PDE1C: variants seen among roughly 807,000 people sequenced by gnomAD.
The protein encoded by PDE1C is dual specificity calcium/calmodulin-dependent 3',5'-cyclic nucleotide phosphodiesterase 1C.
In PDE1C, 62 loss-of-function variants were observed where a neutral mutation model predicts 93.1. The observed-to-expected ratio is 0.67, with a 90% confidence interval of 0.54 to 0.82. PDE1C has a LOEUF of 0.82. Among genes scored for constraint, PDE1C ranks in the 40% least tolerant of loss-of-function variants. PDE1C has a pLI of 0.00. For synonymous variants in PDE1C, 325 were observed against 310.1 expected, an observed-to-expected ratio of 1.05 and a Z score of -0.50; for missense variants, 742 against 884.6, an observed-to-expected ratio of 0.84 and a Z score of 2.04.
chr7:32,043,402 T>C (rs944725844), intron 2 of PDE1C, among the ~76,000 whole-genome samples: 1 of 152,186 alleles, frequency 6.6e-6, no homozygotes, highest in African/African-American at 2.4e-5. Context: ...ACTTAAAGTC[T>C]GGACATAACT....
At chr7:32,205,286 C>A (rs1805348518) in intron 2 of PDE1C, among the ~76,000 whole-genome samples, 1 of 152,238 alleles carries the variant, frequency 6.6e-6, no homozygotes, top group Non-Finnish European at 1.5e-5. Flanking sequence ...TTTTAACATT[C>A]ACCCTTGCAT....
At chr7:32,070,936 T>C, upstream of PDE1C, 1 of 985,334 alleles carries the variant, frequency 1.0e-6, no homozygotes. Context: ...GCTCACTCCC[T>C]GGCCGCGCCT....
intron 2 of PDE1C, among the ~76,000 whole-genome samples, chr7:31,928,043 T>C (rs1803634881): frequency 6.6e-6 from 1 of 151,992 alleles, no homozygotes; most frequent in Non-Finnish European, 1.5e-5. Flanking sequence ...AGAACCTTGA[T>C]AAAAGGTTAC....
chr7:31,725,712 T>A, the PDE1C span, among the ~76,000 whole-genome samples: 2 of 152,188 alleles, frequency 1.3e-5, no homozygotes, highest in Non-Finnish European at 1.5e-5. Context: ...GGAAACTGGG[T>A]GAAGGGTATA....
intron 7 of PDE1C, among the ~76,000 whole-genome samples, chr7:31,855,085 A>C (rs959694866): frequency 1.3e-5 from 2 of 151,708 alleles, no homozygotes; most frequent in African/African-American, 4.8e-5. Context: ...AAAAAAAAAA[A>C]AAAAAACTTC....
intron 3 of PDE1C, among the ~76,000 whole-genome samples, chr7:32,082,941 A>G: frequency 6.6e-6 from 1 of 150,688 alleles, no homozygotes; most frequent in African/African-American, 2.5e-5. Flanking sequence ...TAAAAAGCAG[A>G]GCACCTCTCC....
chr7:31,983,839 G>A (rs1391300494), intron 2 of PDE1C, among the ~76,000 whole-genome samples: 2 of 152,064 alleles, frequency 1.3e-5, no homozygotes, highest in South Asian at 2.1e-4. Flanking sequence ...ATTTCAAGAC[G>A]GCAACATGAG....
the PDE1C span, among the ~76,000 whole-genome samples, chr7:31,647,710 A>AGACGAT: frequency 6.7e-6 from 1 of 149,668 alleles, no homozygotes; most frequent in African/African-American, 2.5e-5. Flanking sequence ...AGGAAGAAGA[A>AGACGAT]GACGATGACG....
At chr7:31,853,143 T>C (rs1480864436) in intron 7 of PDE1C, among the ~76,000 whole-genome samples, 1 of 152,020 alleles carries the variant, frequency 6.6e-6, no homozygotes, top group African/African-American at 2.4e-5. Context: ...CCCAAATAAT[T>C]GAACAAAATC....
chr7:32,386,076 C>T (rs1042714356), intron 1 of PDE1C, among the ~76,000 whole-genome samples: 5 of 129,072 alleles, frequency 3.9e-5, no homozygotes, highest in African/African-American at 1.1e-4. Context: ...TTTGTCCCTC[C>T]ACCTTTTTCT....
At chr7:32,405,818 T>C (rs77403021) in intron 1 of PDE1C, among the ~76,000 whole-genome samples, 2,459 of 152,310 alleles carry the variant, frequency 0.016, 71 homozygotes, top group African/African-American at 0.056. Flanking sequence ...TGCTGTGCTT[T>C]ATCAATTATT....
chr7:32,227,012 C>T (rs76845514), intron 1 of PDE1C, among the ~76,000 whole-genome samples: 16,330 of 152,152 alleles, frequency 0.11, 1,152 homozygotes, highest in East Asian at 0.31. Flanking sequence ...CTTCCTTCCC[C>T]ACATTTGCCT....
intron 1 of PDE1C, among the ~76,000 whole-genome samples, chr7:32,213,295 C>T (rs1476524654): frequency 1.3e-5 from 2 of 152,108 alleles, no homozygotes; most frequent in African/African-American, 2.4e-5. Context: ...GAACACAAGG[C>T]CCCCGTCCCA....
intron 2 of PDE1C, among the ~76,000 whole-genome samples, chr7:31,945,329 G>A (rs915558728): frequency 6.6e-6 from 1 of 152,032 alleles, no homozygotes; most frequent in South Asian, 2.1e-4. Context: ...CTTCTCTGAT[G>A]TTCTTTCTTC....
chr7:32,202,532 A>C (rs1270491143), intron 2 of PDE1C, among the ~76,000 whole-genome samples: 1 of 152,212 alleles, frequency 6.6e-6, no homozygotes, highest in Non-Finnish European at 1.5e-5. Flanking sequence ...GAAATCTTTC[A>C]AATCCCAATG....
chr7:31,964,718 G>A (rs1449972929), intron 2 of PDE1C, among the ~76,000 whole-genome samples: 1 of 152,172 alleles, frequency 6.6e-6, no homozygotes, highest in Non-Finnish European at 1.5e-5. Context: ...AATAGGGGTG[G>A]ACTGACACCT....
intron 3 of PDE1C, among the ~76,000 whole-genome samples, chr7:32,086,554 C>T (rs2128741992): frequency 6.6e-6 from 1 of 152,062 alleles, no homozygotes; most frequent in South Asian, 2.1e-4. Context: ...CAAGTCAATC[C>T]TAAGCCAAAA....
At chr7:32,387,735 C>T (rs1280601803) in intron 1 of PDE1C, among the ~76,000 whole-genome samples, 4 of 140,918 alleles carry the variant, frequency 2.8e-5, no homozygotes, top group Non-Finnish European at 3.1e-5. Context: ...AGGGGCTCCT[C>T]ACTTCCCAGT....
chr7:32,194,630 A>G (rs73104577), intron 2 of PDE1C, among the ~76,000 whole-genome samples: 18,341 of 152,140 alleles, frequency 0.12, 1,157 homozygotes, highest in South Asian at 0.19. Flanking sequence ...TCCTTCAATT[A>G]ATGTTTGCAT....
Sources: allele counts gnomAD v4.1 joint callset (sites outside exome capture counted in the v4.1 genomes callset), GRCh38; gene constraint gnomAD v4.1.1; transcripts MANE v1.5; gene names NCBI Gene and HGNC (gene_info 2026-07-23, HGNC 2026-07-21).